The following PLCH2 variants were observed in gnomAD, a reference collection of about 807,000 sequenced individuals.
PLCH2 encodes 1-phosphatidylinositol 4,5-bisphosphate phosphodiesterase eta-2.
PLCH2 carries 98 observed loss-of-function variants against 134.7 expected under a neutral mutation model. The observed-to-expected ratio is 0.73, with a 90% CI of 0.62 to 0.86. PLCH2 has a LOEUF of 0.86. PLCH2 is among the 40% of genes least tolerant of loss of function. The probability of loss-of-function intolerance (pLI) is 0.00; values close to 1 mark genes in which losing one functional copy is unlikely to be tolerated. For synonymous variants in PLCH2, 974 were observed against 827.5 expected, an observed-to-expected ratio of 1.18 and a Z score of -3.04; for missense variants, 1,994 against 1,986.6, an observed-to-expected ratio of 1.00 and a Z score of -0.07.
At position 2,486,829 on chromosome 1, in the gene PLCH2, G is replaced by C. The variant is rs563584972; in HGVS notation, c.817-78G>C. The C allele has an allele frequency of 2.3e-4, 244 of 1,078,288 alleles. 1 individual carries two copies. Among genetic ancestry groups the C allele is most frequent in the Middle Eastern group, 1.7e-3 (8 of 4,708 alleles). The allele number at this position is 1,078,288 out of a possible 1,614,324, so 66.8% of individuals were successfully genotyped here. A position where few individuals can be genotyped will look rare whatever the true frequency, so the allele number is the denominator to read the frequency against. ...TGTAATCAGAGACAGGCAGGGGACA[G>C]TGGTGATGGGGGAGCTGCCTGAGGC... On this transcript the variant is annotated intron_variant, in intron 5 of 21. Coordinates refer to ENST00000378486, the MANE Select transcript of PLCH2 (RefSeq NM_014638.4).
At position 2,487,280 on chromosome 1, in the gene PLCH2, T is replaced by C; in HGVS notation, c.1018T>C (p.Ser340Pro). ...QPLSHYFITS[S>P]HNTYLVGDQL... ...GCTGAGCCACTACTTCATCACCTCG[T>C]CCCACAACACCTACCTCGTGGGTGA... Residue 340 changes from serine (S) to proline (P), a missense_variant, in exon 7 of 22, where the codon TCC becomes CCC. Around this residue, in one of 2 missense-constraint regions of PLCH2, gnomAD observed 1,094 missense variants for 1,234.3 expected, o/e 0.89. Coordinates refer to ENST00000378486, the MANE Select transcript of PLCH2 (RefSeq NM_014638.4). 1.2e-6 allele frequency: 2 copies of C among 1,613,794 alleles called. No homozygotes were observed. The highest frequency in any genetic ancestry group is 1.7e-6 in the Non-Finnish European group (2 of 1,179,908).
intron 2 of PLCH2, among the ~76,000 whole-genome samples, chr1:2,460,300 A>T (rs1640751520): frequency 6.6e-6 from 1 of 152,234 alleles, no homozygotes; most frequent in African/African-American, 2.4e-5. Flanking sequence ...TGTGTCTCCC[A>T]GACCAGAAGC....
At chr1:2,445,123 A>C (rs1405132541) in intron 2 of PLCH2, among the ~76,000 whole-genome samples, 1 of 152,048 alleles carries the variant, frequency 6.6e-6, no homozygotes, top group African/African-American at 2.4e-5. Context: ...CTCTGCACTT[A>C]AGCCAGGGCC....
intron 2 of PLCH2, among the ~76,000 whole-genome samples, chr1:2,438,415 A>G (rs530425937): frequency 1.3e-5 from 2 of 152,118 alleles, no homozygotes; most frequent in Non-Finnish European, 2.9e-5. Context: ...GGTCAGCAGG[A>G]GGTCCAGGGG....
chr1:2,462,310 AC>A (rs1298058385), intron 2 of PLCH2, among the ~76,000 whole-genome samples: 1 of 46,158 alleles, frequency 2.2e-5, no homozygotes, highest in Non-Finnish European at 4.2e-5. Context: ...TCTGCCTGAC[AC>A]CCCCTCTGCC....
intron 16 of PLCH2, 128 bp downstream of exon 16, chr1:2,497,737 G>A (rs956066628): frequency 3.1e-6 from 2 of 650,552 alleles, no homozygotes; most frequent in Non-Finnish European, 5.4e-6. Context: ...AGAGTCCCCT[G>A]GAGGGTCAGG....
At chr1:2,478,702 T>C (rs1641782329) in intron 2 of PLCH2, 80 bp downstream of exon 2, 7 of 1,409,106 alleles carry the variant, frequency 5.0e-6, no homozygotes, top group Middle Eastern at 4.1e-4. Flanking sequence ...GGGCAGCCAC[T>C]GATGGCTGAG....
In PLCH2 at chr1:2,505,142, C is replaced by A. The variant is rs1413542047; in HGVS notation, c.4180C>A (p.Pro1394Thr). The change falls in exon 22 of 22, where the codon CCA becomes ACA. Residue 1394 changes from proline to threonine, a missense_variant. Coordinates refer to ENST00000378486, the MANE Select transcript of PLCH2 (RefSeq NM_014638.4). ...SVGHEGSVDA[P>T]APSKGALGPA... The stretch of plus-strand genomic sequence containing the variant: ...GGGCCACGAGGGCAGTGTGGATGCA[C>A]CAGCACCCTCCAAGGGAGCCCTCGG... 1.3e-6 allele frequency: 2 copies of A among 1,559,974 alleles called. No homozygotes were observed. The highest frequency in any genetic ancestry group is 1.8e-5 in the Admixed American group (1 of 55,206).
rs1640030148 is a variant in PLCH2 at position 2,448,218 on chromosome 1, G to A, written c.115+17589G>A. Among the ~76,000 whole-genome samples the A allele has an allele frequency of 1.3e-5, 2 of 152,312 alleles. No individual in the cohort carries two copies. The highest frequency in any genetic ancestry group is 2.1e-4 in the South Asian group (1 of 4,832). On this transcript the variant is annotated intron_variant, in intron 2 of 3. Coordinates refer to the PLCH2 transcript ENST00000609981. This position sits in a 1 kb window ranked among gnomAD's most constrained non-coding sequence, Gnocchi z 4.0. Reference sequence around the variant, plus strand: ...TGTGTTTCCTGCAGCTGCTGGGACCGGCTGCCGTGCACTGGCCACTAAAAA... The same window carrying A: ...TGTGTTTCCTGCAGCTGCTGGGACCAGCTGCCGTGCACTGGCCACTAAAAA...
At chr1:2,440,999 GC>G (rs1236314743) in intron 2 of PLCH2, among the ~76,000 whole-genome samples, 3 of 152,152 alleles carry the variant, frequency 2.0e-5, no homozygotes, top group African/African-American at 4.8e-5. Context: ...CCAGGAAACC[GC>G]CCCGACCATG....
rs374358234 is a variant in PLCH2, at chr1:2,448,583, C to T, written c.115+17954C>T. ...GGCCAAATTCACAGGCTCTGGGATG[C>T]GGATGTGTTTTCTGTCGGGGGTCGC... On this transcript the variant is annotated intron_variant, in intron 2 of 3. Transcript: ENST00000609981. This position sits in a 1 kb window ranked among gnomAD's most constrained non-coding sequence, Gnocchi z 4.0. Among the ~76,000 whole-genome samples, 9 of 152,168 alleles carry T rather than the reference C, an allele frequency of 5.9e-5. No individual in the cohort carries two copies. Among genetic ancestry groups the T allele is most frequent in the East Asian group, 3.9e-4 (2 of 5,180 alleles).
intron 1 of PLCH2, among the ~76,000 whole-genome samples, chr1:2,427,338 C>T (rs368184871): frequency 2.0e-5 from 3 of 152,108 alleles, no homozygotes; most frequent in African/African-American, 7.2e-5. Context: ...AGGTCTGGGA[C>T]GAGTCAGGTG....
At chr1:2,474,890 G>A (rs182588085), upstream of PLCH2, among the ~76,000 whole-genome samples, 339 of 152,292 alleles carry the variant, frequency 2.2e-3, no homozygotes, top group African/African-American at 7.4e-3. Flanking sequence ...TGGCCCCTGC[G>A]CTGCCCCTTA....
At chr1:2,503,189 GCC>G in intron 21 of PLCH2, 2 of 601,778 alleles carry the variant, frequency 3.3e-6, no homozygotes, top group Non-Finnish European at 6.0e-6. Context: ...AGGGTCTGGG[GCC>G]GGGACTGTGG....
chr1:2,482,396 C>A (rs1177249609), intron 4 of PLCH2, among the ~76,000 whole-genome samples: 1 of 152,220 alleles, frequency 6.6e-6, no homozygotes, highest in Non-Finnish European at 1.5e-5. Context: ...TGTGTCCCCT[C>A]ATGGCTGTCC....
chr1:2,490,485 C>G (rs897979457), intron 10 of PLCH2, among the ~76,000 whole-genome samples: 3 of 151,972 alleles, frequency 2.0e-5, no homozygotes, highest in East Asian at 3.9e-4. Context: ...TCGGGGGCGC[C>G]GATCTCCTCT....
intron 4 of PLCH2, 151 bp from the exon 5 acceptor site, chr1:2,484,297 G>A (rs886463381): frequency 1.4e-6 from 1 of 723,136 alleles, no homozygotes. Context: ...GTGCCCTGGG[G>A]AGTGATTGGA....
At chr1:2,465,397 G>A (rs1641009462), upstream of PLCH2, among the ~76,000 whole-genome samples, 2 of 152,238 alleles carry the variant, frequency 1.3e-5, no homozygotes, top group South Asian at 2.1e-4. Context: ...CAAGGCAGAA[G>A]CTGGGTCTGG....
At chr1:2,416,926 G>A in the PLCH2 span, among the ~76,000 whole-genome samples, 3 of 152,232 alleles carry the variant, frequency 2.0e-5, no homozygotes, top group South Asian at 2.1e-4. Flanking sequence ...GAGCCAGCCT[G>A]GGGGGGCCCT....
Sources: gnomAD v4.1 joint callset for allele counts (sites outside exome capture counted in the v4.1 genomes callset) on GRCh38, gnomAD v4.1.1 for gene constraint, gnomAD v4.1.1 regional missense constraint, Gnocchi (gnomAD v3.1) non-coding constraint, MANE v1.5 for transcripts, NCBI Gene and HGNC (gene_info 2026-07-23, HGNC 2026-07-21) for gene names.